NUP98: variants seen among roughly 807,000 people sequenced by gnomAD.
NUP98 encodes nuclear pore complex protein Nup98-Nup96.
In NUP98, 26 loss-of-function variants were observed where a neutral mutation model predicts 191.9. That is an observed-to-expected ratio of 0.14 (90% CI 0.10 to 0.19). NUP98 has a LOEUF of 0.19. NUP98 is among the 10% of genes least tolerant of loss of function. The probability of loss-of-function intolerance (pLI) is 1.00; values close to 1 mark genes in which losing one functional copy is unlikely to be tolerated. For synonymous variants in NUP98, 808 were observed against 778.4 expected (o/e 1.04, Z -0.63); for missense variants, 1,941 against 2,178.8 (o/e 0.89, Z 2.17).
At chr11:3,757,376 A>C (rs890125826) in intron 10 of NUP98, among the ~76,000 whole-genome samples, 5 of 151,884 alleles carry the variant, frequency 3.3e-5, no homozygotes, top group African/African-American at 9.7e-5. Flanking sequence ...AGTCCCAGCT[A>C]CTCAGGAGGC....
At chr11:3,757,033 A>C (rs1457943175) in intron 10 of NUP98, among the ~76,000 whole-genome samples, 1 of 151,480 alleles carries the variant, frequency 6.6e-6, no homozygotes, top group Non-Finnish European at 1.5e-5. Context: ...GCTTGCAGCA[A>C]ACCGAGATCG....
At chr11:3,703,452 G>A (rs191757459) in intron 22 of NUP98, among the ~76,000 whole-genome samples, 305 of 152,098 alleles carry the variant, frequency 2.0e-3, no homozygotes, top group Non-Finnish European at 3.1e-3. Context: ...TCCTGACCTC[G>A]TGATCCACCT....
Position 3,719,497 on chromosome 11 carries a change from C to A in NUP98, c.2314G>T (p.Asp772Tyr). ...GDVNLTNLNL[D>Y]DIVHIRRKEV... ...TTCCTCCGGATATGCACAATATCATCCAAATTTAGATTTGTCAAATTCACA... is the reference window on the plus strand; with the variant it reads ...TTCCTCCGGATATGCACAATATCATACAAATTTAGATTTGTCAAATTCACA... The change falls in exon 18 of 33, where the codon GAT becomes TAT. Residue 772 changes from aspartate to tyrosine, a missense_variant. Asp to Tyr is a radical substitution (Grantham distance 160, BLOSUM62 -3). Transcript: ENST00000324932. 6.3e-7 allele frequency: 1 copy of A among 1,591,782 alleles called. No individual in the cohort carries two copies. The highest frequency in any genetic ancestry group is 8.5e-7 in the Non-Finnish European group (1 of 1,171,266).
chr11:3,772,687 C>G (rs940451240), intron 6 of NUP98, among the ~76,000 whole-genome samples: 12 of 152,012 alleles, frequency 7.9e-5, no homozygotes, highest in African/African-American at 2.9e-4. Context: ...TAGTGGCGTG[C>G]AGCTGCAATC....
At chr11:3,796,633 G>A (rs906012243) in intron 1 of NUP98, among the ~76,000 whole-genome samples, 1 of 152,136 alleles carries the variant, frequency 6.6e-6, no homozygotes, top group Non-Finnish European at 1.5e-5. Context: ...CTCCTAAAGG[G>A]AATTCTTAAT....
chr11:3,727,493 T>A (rs1454708456), intron 14 of NUP98, among the ~76,000 whole-genome samples: 2 of 152,032 alleles, frequency 1.3e-5, no homozygotes, highest in Non-Finnish European at 2.9e-5. Flanking sequence ...TGCCCAAATA[T>A]GAGACAATTT....
At chr11:3,683,818 G>A (rs1020947206) in intron 29 of NUP98, among the ~76,000 whole-genome samples, 2 of 151,986 alleles carry the variant, frequency 1.3e-5, no homozygotes, top group East Asian at 1.9e-4. Context: ...GATTACAGGC[G>A]TGAGCCACCA....
chr11:3,768,915 A>C (rs1247240832), intron 7 of NUP98, among the ~76,000 whole-genome samples, 171 bp from the exon 8 acceptor site: 1 of 152,170 alleles, frequency 6.6e-6, no homozygotes, highest in African/African-American at 2.4e-5. Flanking sequence ...TTAACTCTAG[A>C]TTTAAACTTT....
intron 20 of NUP98, among the ~76,000 whole-genome samples, chr11:3,710,044 C>A (rs2078988350): frequency 6.7e-6 from 1 of 149,692 alleles, no homozygotes; most frequent in Non-Finnish European, 1.5e-5. Context: ...CGTATCTCTA[C>A]CTGAGTGCCA....
intron 16 of NUP98, among the ~76,000 whole-genome samples, chr11:3,722,942 T>C (rs559087749): frequency 6.6e-6 from 1 of 152,366 alleles, no homozygotes; most frequent in East Asian, 1.9e-4. Flanking sequence ...TAATTAAAGA[T>C]GTATCAATTT....
intron 12 of NUP98, among the ~76,000 whole-genome samples, chr11:3,740,797 C>T (rs1201300011): frequency 1.3e-5 from 2 of 150,850 alleles, no homozygotes; most frequent in Admixed American, 1.3e-4. Flanking sequence ...TGCCAGTGAG[C>T]TTTTAAATAT....
chr11:3,744,043 C>T (rs888098215), intron 12 of NUP98, among the ~76,000 whole-genome samples: 8 of 151,948 alleles, frequency 5.3e-5, no homozygotes, highest in African/African-American at 1.5e-4. Context: ...TGGGCAACAG[C>T]GCGAGACTCC....
chr11:3,778,769 G>A (rs2081843653), intron 4 of NUP98, 104 bp downstream of exon 4: 1 of 1,218,286 alleles, frequency 8.2e-7, no homozygotes, highest in Non-Finnish European at 1.2e-6. Flanking sequence ...TTGCCATTTA[G>A]TAGGAAAAGA....
intron 25 of NUP98, among the ~76,000 whole-genome samples, chr11:3,697,426 G>C (rs1008658287): frequency 3.3e-5 from 5 of 152,164 alleles, no homozygotes; most frequent in African/African-American, 9.7e-5. Context: ...CAATTAGTTG[G>C]CTTTGGATAA....
intron 11 of NUP98, among the ~76,000 whole-genome samples, chr11:3,748,496 G>A (rs1349637745): frequency 1.3e-5 from 2 of 152,068 alleles, no homozygotes; most frequent in African/African-American, 4.8e-5. Context: ...ACTCCAGCCT[G>A]GGCAACAGAG....
chr11:3,783,923 A>G (rs1352976004), intron 1 of NUP98, among the ~76,000 whole-genome samples: 1 of 152,198 alleles, frequency 6.6e-6, no homozygotes. Context: ...AAATAGCTTC[A>G]TAGTTTACTC....
In NUP98 at chr11:3,771,777, T is replaced by C; in HGVS notation, c.755A>G (p.Tyr252Cys). 1 of 1,614,178 alleles carries C rather than the reference T, an allele frequency of 6.2e-7. No individual in the cohort carries two copies. Among genetic ancestry groups the C allele is most frequent in the Non-Finnish European group, 8.5e-7 (1 of 1,180,018 alleles). ...TCCAAAGGCAGTTTTGTTCTGACCA[T>C]ATGCAAAGCCTGAATTAGTGGTGGA... ...SSSTTNSGFA[Y>C]GQNKTAFGTS... The change falls in exon 7 of 33, where the codon TAT (tyrosine) becomes TGT (cysteine). Residue 252 changes from tyrosine to cysteine, a missense_variant. By Grantham distance (194) the Tyr-to-Cys change is radical (BLOSUM62 -2). This residue lies in a region of NUP98 where 181 missense variants were observed against 228.0 expected (regional missense o/e 0.79). Transcript: ENST00000324932.
At chr11:3,744,245 C>T (rs1401117309) in intron 12 of NUP98, among the ~76,000 whole-genome samples, 1 of 152,038 alleles carries the variant, frequency 6.6e-6, no homozygotes, top group Non-Finnish European at 1.5e-5. Context: ...GTAATATAAG[C>T]ACATTTAGCG....
intron 10 of NUP98, among the ~76,000 whole-genome samples, chr11:3,757,206 G>A (rs1027740383): frequency 2.1e-5 from 3 of 144,704 alleles, no homozygotes; most frequent in Non-Finnish European, 4.6e-5. Context: ...TAAAAATAAC[G>A]GGCTGGGCGC....
Sources: allele counts gnomAD v4.1 joint callset (sites outside exome capture counted in the v4.1 genomes callset), GRCh38; gene constraint gnomAD v4.1.1; regional missense constraint gnomAD v4.1.1; transcripts MANE v1.5; gene names NCBI Gene and HGNC (gene_info 2026-07-23, HGNC 2026-07-21).